The following CERS2 variants were observed in gnomAD, a reference collection of about 807,000 sequenced individuals.
CERS2 encodes the protein LAG1 homolog, ceramide synthase 2.
In CERS2, 20 loss-of-function variants were observed where a neutral mutation model predicts 56.6. The observed-to-expected ratio is 0.35, with a 90% CI of 0.25 to 0.51. CERS2 has a LOEUF of 0.51. CERS2 is among the 20% of genes least tolerant of loss of function. The pLI is 0.96. For synonymous variants in CERS2, 187 were observed against 175.4 expected (o/e 1.07, Z -0.52); for missense variants, 361 against 488.6 (o/e 0.74, Z 2.46).
At position 150,966,158 on chromosome 1, in the gene CERS2, T is replaced by C. The variant is rs757767614; in HGVS notation, c.1133A>G (p.Lys378Arg). 2 of 1,610,838 alleles carry C rather than the reference T, an allele frequency of 1.2e-6. No individual in the cohort carries two copies. The highest frequency in any genetic ancestry group is 1.7e-6 in the Non-Finnish European group (2 of 1,179,118). ...AGCTGGAGTAATGGTTCAGTCATTC[T>C]TACGATGGTTGTTATTGAGGATGGG... The part of the protein sequence containing the change: ...GHPILNNNHR[K>R]ND Residue 378 changes from lysine (K) to arginine (R), a missense_variant, in exon 11 of 11, where the codon AAG becomes AGG. By Grantham distance (26) the Lys-to-Arg change is conservative (BLOSUM62 2). Coordinates refer to ENST00000368954, the MANE Select transcript of CERS2 (RefSeq NM_022075.5).
chr1:150,966,868 T>C lies in CERS2; in HGVS notation c.742-6A>G, dbSNP rs372456565. The C allele has an allele frequency of 8.1e-6, 13 of 1,595,902 alleles. No individual in the cohort carries two copies. The African/African-American group carries it at 1.5e-4, about 18-fold the overall frequency. On this transcript the variant is annotated splice_region_variant and splice_polypyrimidine_tract_variant and intron_variant, in intron 8 of 10. Coordinates refer to ENST00000368954, the MANE Select transcript of CERS2 (RefSeq NM_022075.5). ...TAGTTAAACATCTTGGCTGACTGCA[T>C]AGAGAGCCCCCATCCATCATCATGG...
Position 150,969,064 on chromosome 1 carries a change from G to C in CERS2, c.27C>G (p.Phe9Leu). ...CAGGCAGCCACAGACGTTCCCACCA[G>C]AAGTAATCATACAAGGTCTGGAGCA... Reference protein sequence around the residue: MLQTLYDYFWWERLWLPVN... With the variant: MLQTLYDYLWWERLWLPVN... Residue 9 changes from phenylalanine (F) to leucine (L), a missense_variant, in exon 2 of 11, where the codon TTC (phenylalanine) becomes TTG (leucine). Physicochemically the swap from Phe to Leu is conservative, Grantham distance 22. Coordinates refer to ENST00000368954, the MANE Select transcript of CERS2 (RefSeq NM_022075.5). The C allele has an allele frequency of 6.2e-7, 1 of 1,614,106 alleles. No individual in the cohort carries two copies. The highest frequency in any genetic ancestry group is 8.5e-7 in the Non-Finnish European group (1 of 1,180,050).
At chr1:150,969,330 C>T (rs1287679172) in intron 1 of CERS2, 6 of 460,704 alleles carry the variant, frequency 1.3e-5, no homozygotes, top group Non-Finnish European at 1.6e-5. Flanking sequence ...GGTCCCAGCA[C>T]TTTGGGAGGC....
Position 150,966,204 on chromosome 1 carries a change from G to T in CERS2, c.1087C>A (p.Arg363=). ...EAAAGGGAKS[R]PLANGHPILN... Reference sequence around the variant, plus strand: ...ATGGGGTGGCCATTGGCTAGGGGCCGGCTCTTTGCTCCTCCCCCAGCTGCA... The same window carrying T: ...ATGGGGTGGCCATTGGCTAGGGGCCTGCTCTTTGCTCCTCCCCCAGCTGCA... The change falls in exon 11 of 11, where the codon CGG becomes AGG. Residue 363 remains arginine (R), a synonymous_variant. Transcript: ENST00000368954. 6.2e-7 allele frequency: 1 copy of T among 1,607,122 alleles called. No individual in the cohort carries two copies. Among genetic ancestry groups the T allele is most frequent in the Non-Finnish European group, 8.5e-7 (1 of 1,178,124 alleles).
In CERS2 at chr1:150,965,634, C is replaced by G. The variant is rs1343558287; in HGVS notation, c.*514G>C. The G allele has an allele frequency of 1.3e-5, 2 of 153,876 alleles. No homozygotes were observed. Among genetic ancestry groups the G allele is most frequent in the Admixed American group, 6.5e-5 (1 of 15,334 alleles). The allele number at this position is 153,876 out of a possible 1,614,324, so 9.5% of individuals were successfully genotyped here. A position where few individuals can be genotyped will look rare whatever the true frequency, so the allele number is the denominator to read the frequency against. On this transcript the variant is annotated 3_prime_UTR_variant, in exon 11 of 11. Transcript: ENST00000368954. Reference sequence around the variant, plus strand: ...GGGTTATGTGCACCCTCCTCCTACCCTCAATTCATTTGTGTCATAGAGGGA... The same window carrying G: ...GGGTTATGTGCACCCTCCTCCTACCGTCAATTCATTTGTGTCATAGAGGGA...
intron 2 of CERS2, 78 bp downstream of exon 2, chr1:150,968,840 C>T: frequency 7.1e-7 from 1 of 1,398,608 alleles, no homozygotes; most frequent in Non-Finnish European, 9.9e-7. Flanking sequence ...GCTAATTAAA[C>T]AGCAAGGAAC....
At chr1:150,969,131 G>GCT (rs761997630) in intron 1 of CERS2, 40 bp from the exon 2 acceptor site, 4 of 1,577,920 alleles carry the variant, frequency 2.5e-6, no homozygotes, top group Non-Finnish European at 2.6e-6. Flanking sequence ...AGAGGGAGTA[G>GCT]CTATGGAGGA....
At chr1:150,970,687 A>AT (rs372600314) in intron 1 of CERS2, among the ~76,000 whole-genome samples, 19 of 149,466 alleles carry the variant, frequency 1.3e-4, no homozygotes, top group African/African-American at 2.5e-4. Context: ...TAATTTTTGA[A>AT]TTTTTTTTTT....
chr1:150,966,185 TGGCCATTGGCTAGGGGCC>T lies in CERS2; in HGVS notation c.1088_1105del (p.Arg363_Gly368del). On this transcript the variant is annotated inframe_deletion, in exon 11 of 11. Transcript: ENST00000368954. ...ACGATGGTTGTTATTGAGGATGGGG[TGGCCATTGGCTAGGGGCC>T]GGCTCTTTGCTCCTCCCCCAGCTGC... The T allele has an allele frequency of 6.2e-7, 1 of 1,607,794 alleles. No individual in the cohort carries two copies. Among genetic ancestry groups the T allele is most frequent in the Non-Finnish European group, 8.5e-7 (1 of 1,178,380 alleles).
In CERS2 at chr1:150,966,150, A is replaced by G; in HGVS notation, c.1141T>C (p.Ter381ArgextTer12). 6.2e-7 allele frequency: 1 copy of G among 1,611,608 alleles called. No homozygotes were observed. Among genetic ancestry groups the G allele is most frequent in the Non-Finnish European group, 8.5e-7 (1 of 1,179,304 alleles). ...ILNNNHRKND* is the reference protein window; with the variant it reads ...ILNNNHRKNDR Reference sequence around the variant, plus strand: ...TGGGAGGCAGCTGGAGTAATGGTTCAGTCATTCTTACGATGGTTGTTATTG... The same window carrying G: ...TGGGAGGCAGCTGGAGTAATGGTTCGGTCATTCTTACGATGGTTGTTATTG... Residue 381 changes from the stop codon to arginine (R), a stop_lost, in exon 11 of 11, where the codon TGA (stop) becomes CGA (arginine). Transcript: ENST00000368954.
intron 1 of CERS2, chr1:150,974,029 G>A (rs956517069): frequency 6.6e-6 from 1 of 152,254 alleles, no homozygotes; most frequent in Admixed American, 6.5e-5. Flanking sequence ...ACCGGGCCGG[G>A]GCAGGCGCTC....
In CERS2 at chr1:150,966,081, A is replaced by C; in HGVS notation, c.*67T>G. On this transcript the variant is annotated 3_prime_UTR_variant, in exon 11 of 11. Coordinates refer to ENST00000368954, the MANE Select transcript of CERS2 (RefSeq NM_022075.5). The stretch of plus-strand genomic sequence containing the variant: ...TTTCCCCAGAGCTTAAAGTGACCCT[A>C]TAGCGCAGGGAGCGGGGTAGTTCCT... 1 of 1,464,366 alleles carries C rather than the reference A, an allele frequency of 6.8e-7. No homozygotes were observed. Among genetic ancestry groups the C allele is most frequent in the East Asian group, 2.3e-5 (1 of 42,994 alleles). 90.7% of individuals were successfully genotyped at this position (1,464,366 alleles called of 1,614,324 possible). A position where few individuals can be genotyped will look rare whatever the true frequency, so the allele number is the denominator to read the frequency against.
intron 2 of CERS2, 115 bp from the exon 3 acceptor site, chr1:150,968,627 C>T: frequency 1.1e-6 from 1 of 892,610 alleles, no homozygotes; most frequent in Non-Finnish European, 1.8e-6. Flanking sequence ...CCCCTTTTCT[C>T]TAGCCTCCAG....
rs774996880 is a variant in CERS2 at position 150,969,108 on chromosome 1, G to C, written c.-1-17C>G. ...TGGAGCATCCTGAGTGAGGGGCAAA[G>C]GGGAGGGCATCAAGAGGGAGTAGCT... On this transcript the variant is annotated splice_polypyrimidine_tract_variant and intron_variant, in intron 1 of 10. Coordinates refer to ENST00000368954, the MANE Select transcript of CERS2 (RefSeq NM_022075.5). 1 of 1,612,268 alleles carries C rather than the reference G, an allele frequency of 6.2e-7. No homozygotes were observed. Among genetic ancestry groups the C allele is most frequent in the Non-Finnish European group, 8.5e-7 (1 of 1,179,278 alleles).
intron 9 of CERS2, 37 bp from the exon 10 acceptor site, chr1:150,966,666 C>T: frequency 6.2e-7 from 1 of 1,611,902 alleles, no homozygotes; most frequent in Non-Finnish European, 8.5e-7. Context: ...TGGACAAGAG[C>T]AGGTCAGACA....
At chr1:150,969,540 A>G (rs1230251273) in intron 1 of CERS2, among the ~76,000 whole-genome samples, 1 of 148,534 alleles carries the variant, frequency 6.7e-6, no homozygotes, top group Non-Finnish European at 1.5e-5. Flanking sequence ...ACGCCATTGC[A>G]CTCTAGCCTA....
intron 3 of CERS2, 47 bp downstream of exon 3, chr1:150,968,348 C>G: frequency 6.5e-7 from 1 of 1,543,546 alleles, no homozygotes; most frequent in Non-Finnish European, 9.0e-7. Context: ...GTCCCCCCAC[C>G]ACCAAACTCA....
At chr1:150,968,820 A>G in intron 2 of CERS2, 98 bp downstream of exon 2, 1 of 1,196,026 alleles carries the variant, frequency 8.4e-7, no homozygotes, top group Admixed American at 1.9e-5. Flanking sequence ...CCAGAACATC[A>G]GGGTCAAGGG....
chr1:150,965,972 A>G lies in CERS2; in HGVS notation c.*176T>C. The G allele has an allele frequency of 8.0e-6, 5 of 624,474 alleles. No homozygotes were observed. The highest frequency in any genetic ancestry group is 4.5e-5 in the South Asian group (2 of 44,334). 38.7% of individuals were successfully genotyped at this position (624,474 alleles called of 1,614,324 possible). A position where few individuals can be genotyped will look rare whatever the true frequency, so the allele number is the denominator to read the frequency against. On this transcript the variant is annotated 3_prime_UTR_variant, in exon 11 of 11. Transcript: ENST00000368954. Reference sequence around the variant, plus strand: ...AACCAACGTCCCCCTACCTGGGGATAGGCTGGTTAGAATTTGGTTTAAAGG... The same window carrying G: ...AACCAACGTCCCCCTACCTGGGGATGGGCTGGTTAGAATTTGGTTTAAAGG...
Sources: gnomAD v4.1 joint callset for allele counts (sites outside exome capture counted in the v4.1 genomes callset) on GRCh38, gnomAD v4.1.1 for gene constraint, MANE v1.5 for transcripts, NCBI Gene and HGNC (gene_info 2026-07-23, HGNC 2026-07-21) for gene names.